Variants in LTBP1 observed in about 807,000 individuals in gnomAD.
The protein encoded by LTBP1 is latent transforming growth factor beta binding protein 1, also known as latent-transforming growth factor beta-binding protein 1.
LTBP1 carries 129 observed loss-of-function variants against 207.6 expected under a neutral mutation model. The ratio of observed to expected loss-of-function variants is 0.62; its 90% CI spans 0.54 to 0.72. The LOEUF (loss-of-function observed/expected upper bound fraction) is 0.72, where lower values mean the gene tolerates loss of function less well. LTBP1 is among the 30% of genes least tolerant of loss of function. The probability of loss-of-function intolerance (pLI) is 0.00; values close to 1 mark genes in which losing one functional copy is unlikely to be tolerated. For missense variants in LTBP1, 2,281 were observed against 2,217.2 expected (o/e 1.03, Z -0.58); for synonymous variants, 963 against 833.7 (o/e 1.16, Z -2.67).
intron 2 of LTBP1, among the ~76,000 whole-genome samples, chr2:32,968,917 A>ATTTTTTT (rs61065758): frequency 9.3e-6 from 1 of 107,330 alleles, no homozygotes. Flanking sequence ...GTGTGTGTGT[A>ATTTTTTT]TTTTTTTTTT....
At chr2:33,066,589 A>G (rs906788159) in intron 3 of LTBP1, among the ~76,000 whole-genome samples, 2 of 152,340 alleles carry the variant, frequency 1.3e-5, no homozygotes, top group South Asian at 2.1e-4. Context: ...CATTGTGTTT[A>G]TTATGTAATG....
At chr2:33,251,606 A>G (rs1040592677) in intron 10 of LTBP1, among the ~76,000 whole-genome samples, 1 of 146,826 alleles carries the variant, frequency 6.8e-6, no homozygotes, top group Non-Finnish European at 1.5e-5. Context: ...TGGAGCTTGC[A>G]GTGAGCTGAG....
At chr2:33,268,748 A>G (rs1337959669) in intron 15 of LTBP1, among the ~76,000 whole-genome samples, 2 of 152,236 alleles carry the variant, frequency 1.3e-5, no homozygotes, top group African/African-American at 4.8e-5. Flanking sequence ...ATCTATGCTC[A>G]CTGTGGGGCA....
intron 24 of LTBP1, among the ~76,000 whole-genome samples, chr2:33,333,367 T>C (rs761827078): frequency 3.9e-5 from 6 of 152,124 alleles, no homozygotes; most frequent in Non-Finnish European, 8.8e-5. Context: ...TTTTTGGCAA[T>C]GGGGTTAGAG....
At chr2:33,325,221 C>T (rs2094411703) in intron 24 of LTBP1, among the ~76,000 whole-genome samples, 1 of 152,160 alleles carries the variant, frequency 6.6e-6, no homozygotes, top group African/African-American at 2.4e-5. Flanking sequence ...TGCATTTGAG[C>T]ATTGGAGCTC....
At position 33,130,445 on chromosome 2, in the gene LTBP1, C is replaced by A. The variant is rs1188524768; in HGVS notation, c.1034-4348C>A. Among the ~76,000 whole-genome samples the A allele has an allele frequency of 2.6e-5, 4 of 152,204 alleles. No individual in the cohort carries two copies. The East Asian group carries it at 5.8e-4, about 22-fold the overall frequency. On this transcript the variant is annotated intron_variant, in intron 4 of 33. Coordinates refer to ENST00000404816, the MANE Select transcript of LTBP1 (RefSeq NM_206943.4). Reference sequence around the variant, plus strand: ...AGTCTTGAACTTGTTACATTTATTTCTCTGCTTTTGGTCACATCTTGGTCT... The same window carrying A: ...AGTCTTGAACTTGTTACATTTATTTATCTGCTTTTGGTCACATCTTGGTCT...
rs139929913 is a variant in LTBP1 at position 33,095,887 on chromosome 2, A to G, written c.864-14695A>G. ...AATAAAATCTCAGTGCTGTTGGAGT[A>G]ATGTCATGTAATTTAACATATATGT... On this transcript the variant is annotated intron_variant, in intron 3 of 33. Coordinates refer to ENST00000404816, the MANE Select transcript of LTBP1 (RefSeq NM_206943.4). Among the ~76,000 whole-genome samples, 652 of 152,266 alleles carry G rather than the reference A, an allele frequency of 4.3e-3. 5 individuals are homozygous for G. The highest frequency in any genetic ancestry group is 0.014 in the African/African-American group (601 of 41,584).
At chr2:33,263,735 C>G (rs1423933779) in intron 15 of LTBP1, among the ~76,000 whole-genome samples, 1 of 151,902 alleles carries the variant, frequency 6.6e-6, no homozygotes, top group East Asian at 1.9e-4. Flanking sequence ...AGGCAGATCA[C>G]AAGGTCAAGA....
intron 7 of LTBP1, among the ~76,000 whole-genome samples, chr2:33,215,268 C>T (rs1031122124): frequency 6.6e-6 from 1 of 152,056 alleles, no homozygotes; most frequent in African/African-American, 2.4e-5. Context: ...TACTATTATG[C>T]ACTCTACGTT....
chr2:33,012,967 T>G (rs1391551439), intron 2 of LTBP1, among the ~76,000 whole-genome samples: 1 of 152,216 alleles, frequency 6.6e-6, no homozygotes, highest in Non-Finnish European at 1.5e-5. Flanking sequence ...TTATCAATGC[T>G]TTAAAAGCTG....
At chr2:33,080,933 GTTAATAAGAGAAAAGCGTATAGATTTAT>G (rs1380775329) in intron 3 of LTBP1, among the ~76,000 whole-genome samples, 1 of 152,192 alleles carries the variant, frequency 6.6e-6, no homozygotes, top group Admixed American at 6.5e-5. Context: ...TAAAAGACAG[GTTAATAAGAGAAAAGCGTATAGATTTAT>G]TTAATATAAG....
intron 3 of LTBP1, among the ~76,000 whole-genome samples, chr2:33,023,178 C>T (rs916045654): frequency 4.6e-5 from 7 of 152,108 alleles, no homozygotes; most frequent in Admixed American, 2.6e-4. Flanking sequence ...TATGCTTTGG[C>T]GATCAAGAGT....
chr2:33,265,693 G>T (rs1337705070), intron 15 of LTBP1, among the ~76,000 whole-genome samples: 1 of 150,688 alleles, frequency 6.6e-6, no homozygotes, highest in African/African-American at 2.4e-5. Context: ...ATTAGCAGTG[G>T]TTTTTTTTTA....
chr2:33,212,818 G>T (rs115436349), intron 7 of LTBP1, among the ~76,000 whole-genome samples: 2 of 152,164 alleles, frequency 1.3e-5, no homozygotes, highest in Admixed American at 1.3e-4. Context: ...GGAAATGCTC[G>T]TTGGAACAAT....
intron 2 of LTBP1, among the ~76,000 whole-genome samples, chr2:33,011,720 C>G (rs1687695533): frequency 1.3e-5 from 2 of 151,860 alleles, no homozygotes; most frequent in South Asian, 4.2e-4. Flanking sequence ...TGTTTTGTTC[C>G]TGATTTACAG....
intron 7 of LTBP1, 70 bp downstream of exon 7, chr2:33,188,921 G>A (rs944441642): frequency 4.0e-6 from 6 of 1,498,748 alleles, no homozygotes; most frequent in Non-Finnish European, 9.0e-7. Context: ...AAGAAAGCCA[G>A]ACTTGATAAA....
chr2:33,253,168 C>T (rs1025964123), intron 11 of LTBP1, among the ~76,000 whole-genome samples: 8 of 152,146 alleles, frequency 5.3e-5, no homozygotes, highest in Non-Finnish European at 8.8e-5. Flanking sequence ...CTGGGCCATG[C>T]GCTTTCCTAA....
chr2:33,198,575 A>C (rs1310615393), intron 7 of LTBP1, among the ~76,000 whole-genome samples: 2 of 152,094 alleles, frequency 1.3e-5, no homozygotes, highest in African/African-American at 2.4e-5. Flanking sequence ...ACCATTTCAG[A>C]TCCTGTTATT....
chr2:33,314,693 A>G (rs951241267), intron 23 of LTBP1, among the ~76,000 whole-genome samples: 2 of 152,238 alleles, frequency 1.3e-5, no homozygotes, highest in Non-Finnish European at 2.9e-5. Flanking sequence ...TAAATAAGAC[A>G]TGTCTAGCCT....
Sources: allele counts gnomAD v4.1 joint callset (sites outside exome capture counted in the v4.1 genomes callset), GRCh38; gene constraint gnomAD v4.1.1; transcripts MANE v1.5; gene names NCBI Gene and HGNC (gene_info 2026-07-23, HGNC 2026-07-21).